EYS: variants seen among roughly 807,000 people sequenced by gnomAD.
The protein encoded by EYS is EGF-like photoreceptor maintenance factor.
Under a neutral mutation model 282.1 loss-of-function variants are expected in EYS, and 250 were observed. The ratio of observed to expected loss-of-function variants is 0.89; its 90% CI spans 0.80 to 0.98. The LOEUF is 0.98. EYS is among the 50% of genes least tolerant of loss of function. The probability of loss-of-function intolerance (pLI) is 0.00; values close to 1 mark genes in which losing one functional copy is unlikely to be tolerated. For missense variants in EYS, 4,016 were observed against 3,709.0 expected (o/e 1.08, Z -2.15); for synonymous variants, 1,355 against 1,282.9 (o/e 1.06, Z -1.20).
intron 12 of EYS, among the ~76,000 whole-genome samples, chr6:65,102,374 G>A (rs987901493): frequency 6.6e-6 from 1 of 151,104 alleles, no homozygotes; most frequent in Non-Finnish European, 1.5e-5. Context: ...TTTTTTAAGT[G>A]ACAATATTCT....
chr6:64,419,126 T>C (rs1212282421), intron 28 of EYS, among the ~76,000 whole-genome samples: 3 of 152,170 alleles, frequency 2.0e-5, no homozygotes, highest in Non-Finnish European at 4.4e-5. Context: ...ATCCTCTCTA[T>C]AGACGATCAT....
intron 12 of EYS, among the ~76,000 whole-genome samples, chr6:65,106,279 T>C (rs185799669): frequency 4.8e-4 from 73 of 152,138 alleles, no homozygotes; most frequent in African/African-American, 1.7e-3. Flanking sequence ...ACAATACATA[T>C]ATTATAAAAA....
chr6:65,129,743 G>A lies in EYS; in HGVS notation c.2024-72016C>T, dbSNP rs77148487. Among the ~76,000 whole-genome samples, 740 of 151,926 alleles carry A rather than the reference G, an allele frequency of 4.9e-3. 8 individuals are homozygous for A. The highest frequency in any genetic ancestry group is 8.6e-3 in the Admixed American group (131 of 15,232). ...ATGTAAATAAGTCACTGGAGGGGCA[G>A]TTTGAAGATTCCTCAAAGAACTAAG... On this transcript the variant is annotated intron_variant, in intron 12 of 42. Transcript: ENST00000503581.
At chr6:65,655,754 G>T (rs1767799362) in intron 1 of EYS, among the ~76,000 whole-genome samples, 1 of 151,804 alleles carries the variant, frequency 6.6e-6, no homozygotes, top group Non-Finnish European at 1.5e-5. Context: ...AATTTGGAGA[G>T]ATGAGAGTTG....
At chr6:63,902,949 G>T (rs140348135) in intron 35 of EYS, among the ~76,000 whole-genome samples, 3 of 152,316 alleles carry the variant, frequency 2.0e-5, no homozygotes, top group Non-Finnish European at 2.9e-5. Flanking sequence ...GGGAGAAGGT[G>T]CTAGGTGTTA....
intron 35 of EYS, among the ~76,000 whole-genome samples, chr6:63,901,298 A>C (rs1014620932): frequency 2.0e-5 from 3 of 152,238 alleles, no homozygotes; most frequent in African/African-American, 7.2e-5. Context: ...AATAGTCAAT[A>C]AATGTGAAGA....
At chr6:64,355,505 T>G (rs1364146188) in intron 29 of EYS, among the ~76,000 whole-genome samples, 16 of 151,606 alleles carry the variant, frequency 1.1e-4, no homozygotes, top group Admixed American at 1.1e-3. Context: ...ATTCATTGAC[T>G]TTTCCATGCA....
chr6:64,518,932 T>A (rs897674150), intron 26 of EYS, among the ~76,000 whole-genome samples: 5 of 151,826 alleles, frequency 3.3e-5, no homozygotes, highest in Non-Finnish European at 4.4e-5. Context: ...CCTTTATAAA[T>A]CACCCAGTCT....
chr6:64,538,619 G>A (rs1429847593), intron 26 of EYS, among the ~76,000 whole-genome samples: 1 of 152,120 alleles, frequency 6.6e-6, no homozygotes, highest in East Asian at 1.9e-4. Flanking sequence ...TGAAAGGCCA[G>A]TGGTGATAGT....
chr6:64,919,615 T>C (rs998995751), intron 15 of EYS, among the ~76,000 whole-genome samples: 14 of 152,034 alleles, frequency 9.2e-5, no homozygotes, highest in African/African-American at 2.9e-4. Context: ...ATTATTTCAA[T>C]TGGAAGAATT....
intron 1 of EYS, among the ~76,000 whole-genome samples, chr6:65,672,409 T>G (rs1047753933): frequency 1.3e-5 from 2 of 152,044 alleles, no homozygotes; most frequent in African/African-American, 4.8e-5. Context: ...ATCTCCCTAA[T>G]TAGGAATTTA....
At chr6:64,839,053 A>T (rs974604863) in intron 19 of EYS, among the ~76,000 whole-genome samples, 2 of 152,010 alleles carry the variant, frequency 1.3e-5, no homozygotes, top group Admixed American at 1.3e-4. Context: ...TATATATTTT[A>T]TTCATAACAG....
intron 5 of EYS, among the ~76,000 whole-genome samples, chr6:65,452,863 A>G (rs1764456061): frequency 6.6e-6 from 1 of 152,052 alleles, no homozygotes; most frequent in South Asian, 2.1e-4. Context: ...AATATGAACA[A>G]ACATCCATTG....
At chr6:64,072,647 T>C (rs938635845) in intron 32 of EYS, among the ~76,000 whole-genome samples, 1 of 151,866 alleles carries the variant, frequency 6.6e-6, no homozygotes, top group African/African-American at 2.4e-5. Context: ...TCTTCTTTCT[T>C]GAATTGTTGA....
At chr6:64,724,866 G>A (rs1486186052) in intron 22 of EYS, among the ~76,000 whole-genome samples, 2 of 151,930 alleles carry the variant, frequency 1.3e-5, no homozygotes, top group Non-Finnish European at 2.9e-5. Context: ...TGTAAAAGGT[G>A]GCTTCAAATT....
intron 12 of EYS, among the ~76,000 whole-genome samples, chr6:65,079,165 G>A (rs1280057091): frequency 6.6e-6 from 1 of 151,974 alleles, no homozygotes; most frequent in African/African-American, 2.4e-5. Context: ...AGAGTATTGT[G>A]CATGAAATTG....
At position 64,154,863 on chromosome 6, in the gene EYS, C is replaced by A. The variant is rs554997761; in HGVS notation, c.6425-72861G>T. Among the ~76,000 whole-genome samples, 5 of 152,226 alleles carry A rather than the reference C, an allele frequency of 3.3e-5. No homozygotes were observed. The South Asian group carries it at 1.0e-3, about 32-fold the overall frequency. On this transcript the variant is annotated intron_variant, in intron 31 of 42. Coordinates refer to ENST00000503581, the MANE Select transcript of EYS (RefSeq NM_001142800.2). ...TTCCAGTCTCTATTAAAATAATACT[C>A]TACCCATGAAAACACATGGAAATAT... is the stretch of plus-strand genomic sequence containing the variant.
chr6:64,683,996 C>T (rs1015818309), intron 22 of EYS, among the ~76,000 whole-genome samples: 11 of 152,154 alleles, frequency 7.2e-5, no homozygotes, highest in African/African-American at 1.7e-4. Flanking sequence ...AGCTGGTGTC[C>T]GCCTCCGCAG....
intron 5 of EYS, among the ~76,000 whole-genome samples, chr6:65,470,900 AG>A (rs1765185445): frequency 6.6e-6 from 1 of 152,070 alleles, no homozygotes; most frequent in African/African-American, 2.4e-5. Context: ...ATGGCTTGGG[AG>A]GCTGAGGAGG....
Sources: allele counts gnomAD v4.1 joint callset (sites outside exome capture counted in the v4.1 genomes callset), GRCh38; gene constraint gnomAD v4.1.1; transcripts MANE v1.5; gene names NCBI Gene and HGNC (gene_info 2026-07-23, HGNC 2026-07-21).